The following MAPK10 variants were observed in gnomAD, a reference collection of about 807,000 sequenced individuals.
The protein encoded by MAPK10 is JNK3 alpha protein kinase.
A neutral mutation model predicts 59.3 loss-of-function variants in MAPK10; 25 were observed. That is an observed-to-expected ratio of 0.42 (90% CI 0.31 to 0.59). MAPK10 has a LOEUF of 0.59. Among genes scored for constraint, MAPK10 ranks in the 20% least tolerant of loss-of-function variants. MAPK10 has a pLI of 0.15. For missense variants in MAPK10, 351 were observed against 568.9 expected, an observed-to-expected ratio of 0.62 and a Z score of 3.90; for synonymous variants, 190 against 200.5, an observed-to-expected ratio of 0.95 and a Z score of 0.44.
rs536965053 is a variant in MAPK10 at position 86,471,551 on chromosome 4, A to G, written c.-262-116907T>C. The stretch of plus-strand genomic sequence containing the variant: ...TATTTGAAAAACAGAAATACATTTT[A>G]CAGTTTAAAGTAATTATATAAAAAT... On this transcript the variant is annotated intron_variant, in intron 1 of 4. Coordinates refer to the MAPK10 transcript ENST00000502302. Among the ~76,000 whole-genome samples, 4 of 152,304 alleles carry G rather than the reference A, an allele frequency of 2.6e-5. No individual in the cohort carries two copies. The South Asian group carries it at 8.3e-4, about 32-fold the overall frequency.
At chr4:86,412,556 T>G (rs1451018401) in intron 1 of MAPK10, among the ~76,000 whole-genome samples, 1 of 152,240 alleles carries the variant, frequency 6.6e-6, no homozygotes, top group Non-Finnish European at 1.5e-5. Context: ...GTAGATTTAG[T>G]CTTTTCACAT....
intron 1 of MAPK10, among the ~76,000 whole-genome samples, chr4:86,375,519 A>G (rs1739643710): frequency 6.6e-6 from 1 of 152,026 alleles, no homozygotes. Flanking sequence ...CCAAGAGTTC[A>G]AGACAAGTCT....
chr4:86,045,702 G>C (rs1441416553), intron 11 of MAPK10, among the ~76,000 whole-genome samples: 4 of 151,874 alleles, frequency 2.6e-5, no homozygotes, highest in African/African-American at 4.8e-5. Flanking sequence ...TCTGGTCCCT[G>C]CTTACCAGCC....
chr4:86,359,462 GA>G lies in MAPK10; in HGVS notation c.-122+195del, dbSNP rs201357281. On this transcript the variant is annotated intron_variant, in intron 1 of 13. Transcript: ENST00000641462. ...AAAGGTTTCAACACGCCCAAGTCTG[GA>G]AAGAGATGTTCTGCACAGAGGGAAA... Among the ~76,000 whole-genome samples, 1,502 of 151,912 alleles carry G rather than the reference GA, an allele frequency of 9.9e-3. 17 individuals carry two copies. Among genetic ancestry groups the G allele is most frequent in the African/African-American group, 0.034 (1,423 of 41,396 alleles).
chr4:86,432,741 G>T (rs1449932442), intron 1 of MAPK10, among the ~76,000 whole-genome samples: 1 of 152,190 alleles, frequency 6.6e-6, no homozygotes, highest in Admixed American at 6.5e-5. Context: ...AATGAGAGGA[G>T]CCCAAAACAA....
chr4:86,523,450 C>T (rs896639210), intron 1 of MAPK10, among the ~76,000 whole-genome samples: 1 of 152,204 alleles, frequency 6.6e-6, no homozygotes, highest in African/African-American at 2.4e-5. Flanking sequence ...ATTCCCCATA[C>T]CAAAGGCAAA....
At chr4:86,352,897 C>T (rs1732315480) in intron 2 of MAPK10, among the ~76,000 whole-genome samples, 1 of 152,198 alleles carries the variant, frequency 6.6e-6, no homozygotes, top group African/African-American at 2.4e-5. Flanking sequence ...TCCTTCATGG[C>T]ACATGTCTTG....
At chr4:86,432,338 A>C (rs1403079130) in intron 1 of MAPK10, among the ~76,000 whole-genome samples, 2 of 152,026 alleles carry the variant, frequency 1.3e-5, no homozygotes, top group Non-Finnish European at 2.9e-5. Context: ...GCAGTGGTGT[A>C]ATCTCCACTC....
chr4:86,135,814 A>T (rs2061936654), intron 4 of MAPK10, among the ~76,000 whole-genome samples: 1 of 152,212 alleles, frequency 6.6e-6, no homozygotes, highest in South Asian at 2.1e-4. Context: ...GTATAACTAG[A>T]ATAACTAATA....
intron 2 of MAPK10, among the ~76,000 whole-genome samples, chr4:86,199,701 A>G (rs948436139): frequency 1.3e-5 from 2 of 152,070 alleles, no homozygotes. Context: ...CATATCAAAC[A>G]TTATTTAAGC....
At chr4:86,089,079 G>A (rs2052544127) in intron 9 of MAPK10, 1 of 660,542 alleles carries the variant, frequency 1.5e-6, no homozygotes, top group Non-Finnish European at 2.5e-6. Flanking sequence ...GTAAATATTT[G>A]ACATTGAGTC....
chr4:86,046,809 A>G (rs1331961324), intron 11 of MAPK10, among the ~76,000 whole-genome samples: 1 of 152,098 alleles, frequency 6.6e-6, no homozygotes, highest in Admixed American at 6.6e-5. Flanking sequence ...AGATACATTC[A>G]TTCAGCAAAT....
chr4:86,030,209 T>C (rs1201403540), intron 12 of MAPK10, among the ~76,000 whole-genome samples: 2 of 152,210 alleles, frequency 1.3e-5, no homozygotes, highest in Admixed American at 6.5e-5. Flanking sequence ...AGCATCTTTT[T>C]TCACTTGATC....
At chr4:86,050,685 T>C (rs1486107567) in intron 11 of MAPK10, among the ~76,000 whole-genome samples, 1 of 152,152 alleles carries the variant, frequency 6.6e-6, no homozygotes, top group Non-Finnish European at 1.5e-5. Context: ...TAAGAAAACC[T>C]ACCTGTGACT....
chr4:86,389,427 T>C (rs1210863419), intron 1 of MAPK10, among the ~76,000 whole-genome samples: 1 of 152,272 alleles, frequency 6.6e-6, no homozygotes, highest in Non-Finnish European at 1.5e-5. Context: ...TGTATAACAT[T>C]TAACTTTGTC....
At chr4:86,542,829 A>T (rs550766365) in intron 1 of MAPK10, among the ~76,000 whole-genome samples, 1 of 152,308 alleles carries the variant, frequency 6.6e-6, no homozygotes, top group Non-Finnish European at 1.5e-5. Flanking sequence ...GATGTTTTCC[A>T]TCTTGTTTTC....
intron 2 of MAPK10, among the ~76,000 whole-genome samples, chr4:86,341,648 T>C (rs1238442223): frequency 6.7e-6 from 1 of 149,432 alleles, no homozygotes; most frequent in African/African-American, 2.4e-5. Context: ...AAATTTAAGA[T>C]TTTTGTGGAT....
chr4:86,033,032 TA>T (rs3841985), intron 11 of MAPK10, among the ~76,000 whole-genome samples: 4,949 of 152,168 alleles, frequency 0.033, 232 homozygotes, highest in East Asian at 0.1. Flanking sequence ...TGAACGTATA[TA>T]AGGTGACAGG....
chr4:86,364,106 G>C (rs1422912024), upstream of MAPK10, among the ~76,000 whole-genome samples: 1 of 150,906 alleles, frequency 6.6e-6, no homozygotes, highest in East Asian at 2.0e-4. Flanking sequence ...TATTGTTGTT[G>C]TTGTTGTTGT....
Sources: allele counts gnomAD v4.1 joint callset (sites outside exome capture counted in the v4.1 genomes callset), GRCh38; gene constraint gnomAD v4.1.1; transcripts MANE v1.5; gene names NCBI Gene and HGNC (gene_info 2026-07-23, HGNC 2026-07-21).